CDH18: variants seen among roughly 807,000 people sequenced by gnomAD.
The protein encoded by CDH18 is cadherin 18.
CDH18 carries 31 observed loss-of-function variants against 67.9 expected under a neutral mutation model. The ratio of observed to expected loss-of-function variants is 0.46; its 90% CI spans 0.34 to 0.62. The LOEUF (loss-of-function observed/expected upper bound fraction) is 0.62, where lower values mean the gene tolerates loss of function less well. CDH18 is among the 20% of genes least tolerant of loss of function. The probability of loss-of-function intolerance (pLI) is 0.01; values close to 1 mark genes in which losing one functional copy is unlikely to be tolerated. For synonymous variants in CDH18, 362 were observed against 347.2 expected (o/e 1.04, Z -0.48); for missense variants, 890 against 975.5 (o/e 0.91, Z 1.17).
chr5:20,471,910 C>CTT, intron 1 of CDH18, among the ~76,000 whole-genome samples: 2 of 2,644 alleles, frequency 7.6e-4, no homozygotes, highest in Non-Finnish European at 8.1e-4. Flanking sequence ...GTGAAACTTG[C>CTT]TAACTCCATT....
At chr5:20,356,328 A>T (rs373706507) in intron 1 of CDH18, among the ~76,000 whole-genome samples, 2 of 152,164 alleles carry the variant, frequency 1.3e-5, no homozygotes, top group East Asian at 1.9e-4. Flanking sequence ...GGTCGCAGTG[A>T]GCTGAGATCA....
At position 19,605,997 on chromosome 5, in the gene CDH18, C is replaced by G. The variant is rs1401026012; in HGVS notation, c.811+6437G>C. On this transcript the variant is annotated intron_variant, in intron 6 of 12. Transcript: ENST00000382275. ...TCTGAGAAACCAACAGAAAGTGCAT[C>G]TGGAAGGCAAAGGCGCTAGGCAGAG... 3.3e-5 allele frequency among the ~76,000 whole-genome samples: 5 copies of G among 152,080 alleles called. No homozygotes were observed. The East Asian group carries it at 9.6e-4, about 29-fold the overall frequency.
intron 5 of CDH18, among the ~76,000 whole-genome samples, chr5:19,625,824 C>CCCCT (rs139941427): frequency 0.011 from 1,661 of 152,176 alleles, 28 homozygotes; most frequent in African/African-American, 0.037. Flanking sequence ...AGAAGCCTGG[C>CCCCT]CCCTCCTTTT....
intron 1 of CDH18, among the ~76,000 whole-genome samples, chr5:20,349,169 G>A (rs1740952158): frequency 6.6e-6 from 1 of 152,026 alleles, no homozygotes; most frequent in Non-Finnish European, 1.5e-5. Flanking sequence ...ATGTCATAAA[G>A]GAGTAAAACT....
chr5:20,152,522 T>C (rs1561833674), intron 2 of CDH18, among the ~76,000 whole-genome samples: 2 of 151,996 alleles, frequency 1.3e-5, no homozygotes, highest in Middle Eastern at 3.4e-3. Flanking sequence ...TTCAGCTGGT[T>C]AATCCTTATA....
At chr5:20,420,856 A>G (rs1747805474) in intron 1 of CDH18, among the ~76,000 whole-genome samples, 1 of 151,262 alleles carries the variant, frequency 6.6e-6, no homozygotes, top group South Asian at 2.1e-4. Flanking sequence ...AAGTCAGCAA[A>G]AAAATCTTCT....
intron 2 of CDH18, among the ~76,000 whole-genome samples, chr5:20,184,293 A>G (rs1737924676): frequency 6.6e-6 from 1 of 152,144 alleles, no homozygotes; most frequent in Admixed American, 6.6e-5. Flanking sequence ...TACCCAAATC[A>G]GCAGCAGTAC....
rs144867954 is a variant in CDH18, at chr5:19,840,743, G to A, written c.-256-1501C>T. ...ATAAAAAGAATGACTGAAATTATAA[G>A]CTTATTTAAAGAATATAAATTTTGC... On this transcript the variant is annotated intron_variant, in intron 2 of 12. Transcript: ENST00000382275. Among the ~76,000 whole-genome samples, 299 of 151,962 alleles carry A rather than the reference G, an allele frequency of 2.0e-3. 7 individuals carry two copies. In the East Asian group the frequency reaches 0.023, roughly 12 times the overall value.
intron 2 of CDH18, among the ~76,000 whole-genome samples, chr5:19,854,538 A>T (rs545167097): frequency 6.6e-6 from 1 of 152,254 alleles, no homozygotes; most frequent in East Asian, 1.9e-4. Flanking sequence ...GGAAAATGAC[A>T]TATGTAGCTA....
At chr5:19,775,639 C>G (rs781122749) in intron 3 of CDH18, among the ~76,000 whole-genome samples, 1 of 152,112 alleles carries the variant, frequency 6.6e-6, no homozygotes, top group Non-Finnish European at 1.5e-5. Context: ...CCCTGTGATC[C>G]AAACACCACC....
chr5:20,019,790 T>G (rs1161980859), intron 2 of CDH18, among the ~76,000 whole-genome samples: 1 of 152,140 alleles, frequency 6.6e-6, no homozygotes, highest in Non-Finnish European at 1.5e-5. Flanking sequence ...CATTGCTATA[T>G]AGATATCTGA....
intron 1 of CDH18, among the ~76,000 whole-genome samples, chr5:20,496,397 G>T (rs568466746): frequency 7.2e-5 from 11 of 152,054 alleles, no homozygotes; most frequent in African/African-American, 2.4e-4. Flanking sequence ...TGATTTTTAG[G>T]ATAAAAATTA....
At chr5:20,046,099 T>C (rs916265749) in intron 2 of CDH18, among the ~76,000 whole-genome samples, 1 of 151,980 alleles carries the variant, frequency 6.6e-6, no homozygotes, top group Admixed American at 6.6e-5. Context: ...TAGGATGCTA[T>C]TACAAAAGTC....
chr5:20,229,003 G>A (rs1580530473), intron 2 of CDH18, among the ~76,000 whole-genome samples: 1 of 152,140 alleles, frequency 6.6e-6, no homozygotes, highest in South Asian at 2.1e-4. Flanking sequence ...ACAGTTTCAG[G>A]TGTAGACTGA....
intron 2 of CDH18, among the ~76,000 whole-genome samples, chr5:20,067,429 C>A (rs1743075321): frequency 6.6e-6 from 1 of 151,700 alleles, no homozygotes; most frequent in Non-Finnish European, 1.5e-5. Flanking sequence ...AAAGATGCCA[C>A]AGAAATAGAA....
chr5:20,190,862 C>T (rs935084244), intron 2 of CDH18, among the ~76,000 whole-genome samples: 3 of 152,068 alleles, frequency 2.0e-5, no homozygotes, highest in Non-Finnish European at 4.4e-5. Flanking sequence ...ATTCCCTTTT[C>T]CTATTTTTGG....
chr5:20,005,400 GTA>G (rs1248559652), intron 2 of CDH18, among the ~76,000 whole-genome samples: 5 of 109,508 alleles, frequency 4.6e-5, no homozygotes, highest in Non-Finnish European at 7.1e-5. Context: ...TATAAACAAA[GTA>G]TATATATATA....
At chr5:20,336,065 T>C (rs1168369915) in intron 1 of CDH18, among the ~76,000 whole-genome samples, 2 of 152,090 alleles carry the variant, frequency 1.3e-5, no homozygotes, top group African/African-American at 4.8e-5. Flanking sequence ...GTTGGGCAGA[T>C]AGGGAGGGTT....
At chr5:19,559,573 A>G (rs1053178125) in intron 8 of CDH18, among the ~76,000 whole-genome samples, 3 of 151,748 alleles carry the variant, frequency 2.0e-5, no homozygotes, top group African/African-American at 7.2e-5. Flanking sequence ...AACAGGGTAA[A>G]GTTAAAAGCA....
Sources: gnomAD v4.1 joint callset for allele counts (sites outside exome capture counted in the v4.1 genomes callset) on GRCh38, gnomAD v4.1.1 for gene constraint, MANE v1.5 for transcripts, NCBI Gene and HGNC (gene_info 2026-07-23, HGNC 2026-07-21) for gene names.